The following SERPINB6 variants were observed in gnomAD, a reference collection of about 807,000 sequenced individuals.
The protein encoded by SERPINB6 is serpin B6.
In SERPINB6, 16 loss-of-function variants were observed where a neutral mutation model predicts 26.1. The observed-to-expected ratio is 0.61, with a 90% CI of 0.42 to 0.93. SERPINB6 has a LOEUF of 0.93. SERPINB6 is among the 40% of genes least tolerant of loss of function. SERPINB6 has a pLI of 0.00. For missense variants in SERPINB6, 420 were observed against 478.0 expected (o/e 0.88, Z 1.13); for synonymous variants, 174 against 176.6 (o/e 0.99, Z 0.11).
In SERPINB6 at chr6:2,953,157, A is replaced by C. The variant is rs727503416; in HGVS notation, c.460T>G (p.Ser154Ala). 2.8e-5 allele frequency: 46 copies of C among 1,614,110 alleles called. No individual in the cohort carries two copies. Among genetic ancestry groups the C allele is most frequent in the East Asian group, 4.5e-5 (2 of 44,900 alleles). ...ACCAGCCTTGTCAATGGATCCACTG[A>C]GCCCGGAGAGAGCAACTCCGCAATT... ...GKIAELLSPG[S>A]VDPLTRLVLV... The change falls in exon 5 of 7, where the codon TCA becomes GCA. Residue 154 changes from serine (S) to alanine (A), a missense_variant. Ser to Ala is a moderately conservative substitution (Grantham distance 99, BLOSUM62 1). Coordinates refer to ENST00000380539, the MANE Select transcript of SERPINB6 (RefSeq NM_004568.6).
chr6:2,951,907 C>T (rs3778258), intron 5 of SERPINB6, among the ~76,000 whole-genome samples: 4,153 of 152,288 alleles, frequency 0.027, 191 homozygotes, highest in African/African-American at 0.09. Context: ...GTTCCTCCCC[C>T]TCCCTGCCAC....
chr6:2,958,405 A>G, intron 2 of SERPINB6, among the ~76,000 whole-genome samples: 1 of 152,170 alleles, frequency 6.6e-6, no homozygotes, highest in East Asian at 1.9e-4. Context: ...TCAGGCGCGG[A>G]GATGCCTCTG....
rs775223503 is a variant in SERPINB6, at chr6:2,948,486, C to A, written c.943G>T (p.Val315Phe). The A allele has an allele frequency of 1.2e-6, 2 of 1,614,066 alleles. No individual in the cohort carries two copies. The highest frequency in any genetic ancestry group is 2.7e-5 in the African/African-American group (2 of 74,930). The change falls in exon 7 of 7, where the codon GTC (valine) becomes TTC (phenylalanine). Residue 315 changes from valine to phenylalanine, a missense_variant. Val to Phe is a conservative substitution (Grantham distance 50, BLOSUM62 -1). Transcript: ENST00000380539. This position sits in a 1 kb window ranked among gnomAD's most constrained non-coding sequence, Gnocchi z 5.0. ...ACCTCCACAAAAGACTTGTGCACGA[C>A]CTTGGACAGAGACAGGTCTGTCTGG... ...MSQTDLSLSK[V>F]VHKSFVEVNE...
intron 1 of SERPINB6, chr6:2,961,135 T>C (rs931191204): frequency 6.6e-6 from 1 of 152,198 alleles, no homozygotes; most frequent in African/African-American, 2.4e-5. Context: ...CACGAATCCA[T>C]GGTCATTTGT....
chr6:2,949,343 C>T (rs993867633), intron 5 of SERPINB6, among the ~76,000 whole-genome samples: 2 of 152,264 alleles, frequency 1.3e-5, no homozygotes, highest in African/African-American at 4.8e-5. Flanking sequence ...TACCTCCCGC[C>T]TGGGCCTCTG....
intron 1 of SERPINB6, chr6:2,971,175 CGCTG>C: frequency 3.0e-6 from 3 of 995,324 alleles, no homozygotes; most frequent in Non-Finnish European, 3.6e-6. Flanking sequence ...CTTCCGTGGG[CGCTG>C]GGCCTGGGCG....
At chr6:2,949,427 C>T (rs1443424718) in intron 5 of SERPINB6, among the ~76,000 whole-genome samples, 1 of 152,230 alleles carries the variant, frequency 6.6e-6, no homozygotes, top group East Asian at 1.9e-4. Flanking sequence ...CTCCCAGCGC[C>T]ACCTGTAATG....
intron 5 of SERPINB6, among the ~76,000 whole-genome samples, chr6:2,951,157 A>G (rs547031985): frequency 6.6e-6 from 1 of 152,338 alleles, no homozygotes; most frequent in African/African-American, 2.4e-5. Flanking sequence ...AGGCCCGGGC[A>G]GGTGGATCAC....
In SERPINB6 at chr6:2,969,572, G is replaced by A. The variant is rs569417671; in HGVS notation, c.-11+1961C>T. 7.6e-5 allele frequency: 75 copies of A among 985,132 alleles called. No individual in the cohort carries two copies. In the African/African-American group the frequency reaches 1.2e-3, roughly 16 times the overall value. 61.0% of individuals were successfully genotyped at this position (985,132 alleles called of 1,614,324 possible). On this transcript the variant is annotated intron_variant, in intron 1 of 6. Transcript: ENST00000380539. ...CTTTTTTTTTCCTGTAGCATCACCA[G>A]TAACTGAGCAATGTTCACAATTGAT... is the stretch of plus-strand genomic sequence containing the variant.
At chr6:2,965,614 G>C (rs939077654) in intron 1 of SERPINB6, among the ~76,000 whole-genome samples, 11 of 152,238 alleles carry the variant, frequency 7.2e-5, no homozygotes, top group Admixed American at 5.2e-4. Context: ...AATCTAGTAA[G>C]CTAGCCTCTC....
At chr6:2,969,273 T>A (rs1771915434) in intron 1 of SERPINB6, 2 of 985,554 alleles carry the variant, frequency 2.0e-6, no homozygotes, top group Non-Finnish European at 2.4e-6. Context: ...CGTTGCAAAC[T>A]CAAGACCTGT....
chr6:2,963,089 A>G (rs1241299083), intron 1 of SERPINB6, among the ~76,000 whole-genome samples: 1 of 152,230 alleles, frequency 6.6e-6, no homozygotes, highest in African/African-American at 2.4e-5. Flanking sequence ...GTCTACCCAA[A>G]AAGCAGCCAG....
intron 1 of SERPINB6, among the ~76,000 whole-genome samples, chr6:2,965,044 C>T (rs559396893): frequency 2.1e-4 from 32 of 152,180 alleles, no homozygotes; most frequent in Non-Finnish European, 4.0e-4. Flanking sequence ...GGCCCGGTCC[C>T]GATCCACAGG....
At chr6:2,949,538 C>G (rs1769534962) in intron 5 of SERPINB6, among the ~76,000 whole-genome samples, 1 of 152,228 alleles carries the variant, frequency 6.6e-6, no homozygotes, top group Non-Finnish European at 1.5e-5. Flanking sequence ...CCCTGGAGTG[C>G]CCCTGACTCC....
chr6:2,949,171 C>T (rs1472308012), intron 5 of SERPINB6, 102 bp from the exon 6 acceptor site: 11 of 1,288,204 alleles, frequency 8.5e-6, no homozygotes, highest in Non-Finnish European at 1.2e-5. Context: ...AAACGCAGCT[C>T]GGTTTCTCCC....
Position 2,948,779 on chromosome 6 carries a change from AC to A in SERPINB6, c.730-81del. 6.4e-7 allele frequency: 1 copy of A among 1,562,442 alleles called. No individual in the cohort carries two copies. The highest frequency in any genetic ancestry group is 1.1e-5 in the South Asian group (1 of 89,726). ...CCCTGTGCTATGCTGTGGATGCCAGACACCAGTGGCAGCGTGGCTATGGTCA... is the reference window on the plus strand; with the variant it reads ...CCCTGTGCTATGCTGTGGATGCCAGAACCAGTGGCAGCGTGGCTATGGTCA... On this transcript the variant is annotated intron_variant, in intron 6 of 6. Coordinates refer to ENST00000380539, the MANE Select transcript of SERPINB6 (RefSeq NM_004568.6). This position sits in a 1 kb window ranked among gnomAD's most constrained non-coding sequence, Gnocchi z 5.0.
At chr6:2,955,409 C>G in intron 3 of SERPINB6, 115 bp downstream of exon 3, 2 of 1,223,176 alleles carry the variant, frequency 1.6e-6, no homozygotes, top group Non-Finnish European at 2.4e-6. Flanking sequence ...AAAGAAATTA[C>G]AAAAGCCTAT....
At chr6:2,970,724 CAAAA>C (rs70995402) in intron 1 of SERPINB6, 2,449 of 1,060,766 alleles carry the variant, frequency 2.3e-3, no homozygotes, top group East Asian at 5.5e-3. Flanking sequence ...ATCTTTAGGA[CAAAA>C]AAAAAAAAAA....
Sources: allele counts gnomAD v4.1 joint callset (sites outside exome capture counted in the v4.1 genomes callset), GRCh38; gene constraint gnomAD v4.1.1; non-coding constraint Gnocchi (gnomAD v3.1); transcripts MANE v1.5; gene names NCBI Gene and HGNC (gene_info 2026-07-23, HGNC 2026-07-21).